GGA2: variants seen among roughly 807,000 people sequenced by gnomAD.
GGA2 encodes golgi associated, gamma adaptin ear containing, ARF binding protein 2.
A neutral mutation model predicts 79.5 loss-of-function variants in GGA2; 48 were observed. The observed-to-expected ratio is 0.60, with a 90% confidence interval of 0.48 to 0.77. The LOEUF (loss-of-function observed/expected upper bound fraction) is 0.77. Among genes scored for constraint, GGA2 ranks in the 30% least tolerant of loss-of-function variants. The pLI is 0.00. For missense variants in GGA2, 770 were observed against 774.0 expected, an observed-to-expected ratio of 0.99 and a Z score of 0.06; for synonymous variants, 317 against 302.0, an observed-to-expected ratio of 1.05 and a Z score of -0.51.
At chr16:23,478,215 GA>G (rs370777047) in intron 13 of GGA2, among the ~76,000 whole-genome samples, 152 bp downstream of exon 13, 7,569 of 108,552 alleles carry the variant, frequency 0.07, 419 homozygotes, top group African/African-American at 0.17. Flanking sequence ...AAAAAAAAAA[GA>G]AAAAAAGACA....
chr16:23,495,754 G>C lies in GGA2; in HGVS notation c.116C>G (p.Ser39Trp), dbSNP rs200764317. 17 of 1,611,624 alleles carry C rather than the reference G, an allele frequency of 1.1e-5. No homozygotes were observed. The highest frequency in any genetic ancestry group is 1.7e-5 in the Admixed American group (1 of 59,974). The change falls in exon 2 of 17, where the codon TCG becomes TGG. Residue 39 changes from serine (S) to tryptophan (W), a missense_variant. By Grantham distance (177) the Ser-to-Trp change is radical (BLOSUM62 -3). Coordinates refer to ENST00000309859, the MANE Select transcript of GGA2 (RefSeq NM_015044.4). ...CTGGATAGCTGACCAATCCTGTTCC[G>C]ACATGCTTGGGTCTGTGGCTTTGTC... ...WLNKATDPSM[S>W]EQDWSAIQNF...
At chr16:23,502,232 C>T (rs1964928843) in intron 1 of GGA2, among the ~76,000 whole-genome samples, 1 of 152,166 alleles carries the variant, frequency 6.6e-6, no homozygotes, top group Non-Finnish European at 1.5e-5. Flanking sequence ...GTGGCCCAGG[C>T]CTGCTCATCT....
chr16:23,467,839 G>C (rs1396775184), intron 16 of GGA2, 139 bp from the exon 17 acceptor site: 1 of 647,644 alleles, frequency 1.5e-6, no homozygotes, highest in African/African-American at 1.8e-5. Flanking sequence ...CAAACAAGGG[G>C]AAACAGGCAC....
Position 23,474,917 on chromosome 16 carries a change from C to T in GGA2, c.1437G>A (p.Glu479=), listed in dbSNP as rs145747722. ...AATTGTACTTACTGGGCTTAACAGA[C>T]TCCAAAGGGACAAACACTTGAGCCA... ...TPLAQVFVPL[E]SVKPSSLPPL... is the part of the protein sequence containing the mutation. Residue 479 remains glutamate (E), a synonymous_variant, in exon 14 of 17, where the codon GAG becomes GAA. Transcript: ENST00000309859. The T allele has an allele frequency of 5.7e-4, 924 of 1,611,616 alleles. No homozygotes were observed. Among genetic ancestry groups the T allele is most frequent in the Non-Finnish European group, 7.2e-4 (843 of 1,177,962 alleles).
At chr16:23,483,601 C>G (rs139622093) in intron 8 of GGA2, among the ~76,000 whole-genome samples, 34 of 152,248 alleles carry the variant, frequency 2.2e-4, no homozygotes, top group South Asian at 1.0e-3. Context: ...GCATGGCTGC[C>G]TCGAACCTGG....
chr16:23,478,255 G>T (rs2142119236), intron 13 of GGA2, 113 bp downstream of exon 13: 234 of 559,136 alleles, frequency 4.2e-4, no homozygotes, highest in Middle Eastern at 6.0e-4. Flanking sequence ...AAAGAAAGAT[G>T]TTTCTCCAGG....
intron 9 of GGA2, among the ~76,000 whole-genome samples, chr16:23,481,407 G>A (rs1308969136): frequency 6.6e-6 from 1 of 152,150 alleles, no homozygotes; most frequent in African/African-American, 2.4e-5. Context: ...CAGAACATGA[G>A]CAGCATCATG....
chr16:23,519,032 G>A (rs1207939317), intron 2 of GGA2, among the ~76,000 whole-genome samples: 2 of 144,250 alleles, frequency 1.4e-5, no homozygotes, highest in Admixed American at 7.5e-5. Flanking sequence ...TTTCTAGAAC[G>A]GATACTGTCT....
In GGA2 at chr16:23,470,023, A is replaced by C; in HGVS notation, c.1593T>G (p.Asp531Glu). ...MMSTAPQPVW[D>E]IMFQVAVPKS... ...TTGGCACAGCCACTTGAAACATGAT[A>C]TCCCAGACAGGCTGGGGAGCCGTGC... Residue 531 changes from aspartate (D) to glutamate (E), a missense_variant, in exon 15 of 17, where the codon GAT becomes GAG. Physicochemically the swap from Asp to Glu is conservative, Grantham distance 45. Transcript: ENST00000309859. 1 of 1,579,248 alleles carries C rather than the reference A, an allele frequency of 6.3e-7. No individual in the cohort carries two copies. The highest frequency in any genetic ancestry group is 8.6e-7 in the Non-Finnish European group (1 of 1,163,172).
chr16:23,487,120 T>C (rs1567364012), intron 6 of GGA2, among the ~76,000 whole-genome samples: 1 of 151,806 alleles, frequency 6.6e-6, no homozygotes, highest in African/African-American at 2.4e-5. Context: ...TAGCTGGGAC[T>C]ATAGGCGCGT....
In GGA2 at chr16:23,486,708, A is replaced by AC. The variant is rs1289621487; in HGVS notation, c.660+1dup. The AC allele has an allele frequency of 1.8e-5, 28 of 1,577,136 alleles. No individual in the cohort carries two copies. Among genetic ancestry groups the AC allele is most frequent in the Non-Finnish European group, 2.4e-5 (27 of 1,146,342 alleles). On this transcript the variant is annotated splice_donor_variant, in intron 7 of 16. Coordinates refer to ENST00000309859, the MANE Select transcript of GGA2 (RefSeq NM_015044.4). LOFTEE classifies it high-confidence loss of function. The stretch of plus-strand genomic sequence containing the variant: ...TACTGAACCAACTGGAAGAATGCCC[A>AC]CCTCCTTGACCAAATTCTTGATTAA...
upstream of GGA2, chr16:23,524,293 C>G (rs1319518133): frequency 1.6e-6 from 2 of 1,274,946 alleles, no homozygotes; most frequent in Non-Finnish European, 2.3e-6. Flanking sequence ...GGGCCCCAGG[C>G]CTCCTTCTGG....
In GGA2 at chr16:23,479,863, A is replaced by C. The variant is rs1964625852; in HGVS notation, c.1031T>G (p.Met344Arg). 6.2e-7 allele frequency: 1 copy of C among 1,613,970 alleles called. No individual in the cohort carries two copies. The highest frequency in any genetic ancestry group is 8.5e-7 in the Non-Finnish European group (1 of 1,179,922). Residue 344 changes from methionine (M) to arginine (R), a missense_variant, in exon 11 of 17, where the codon ATG (methionine) becomes AGG (arginine). Met to Arg is a moderately conservative substitution (Grantham distance 91). Coordinates refer to ENST00000309859, the MANE Select transcript of GGA2 (RefSeq NM_015044.4). ...SRVFQNPAGC[M>R]KTCPLIDLEV... Reference sequence around the variant, plus strand: ...CAAGTCAATCAGGGGGCAGGTCTTCATGCAGCCTGCTGGATTCTGAAAGAC... The same window carrying C: ...CAAGTCAATCAGGGGGCAGGTCTTCCTGCAGCCTGCTGGATTCTGAAAGAC...
intron 9 of GGA2, 81 bp from the exon 10 acceptor site, chr16:23,480,851 G>C: frequency 2.3e-6 from 3 of 1,331,986 alleles, no homozygotes; most frequent in Non-Finnish European, 2.1e-6. Context: ...CCATAAAACA[G>C]CCTTCATATG....
upstream of GGA2, among the ~76,000 whole-genome samples, chr16:23,510,647 A>G (rs1341466594): frequency 6.6e-6 from 1 of 152,202 alleles, no homozygotes; most frequent in Non-Finnish European, 1.5e-5. Flanking sequence ...TACGGTTGCC[A>G]GATAAAATAC....
upstream of GGA2, among the ~76,000 whole-genome samples, chr16:23,511,016 CGTGTGT>C (rs145140640): frequency 6.6e-4 from 19 of 28,858 alleles, 1 homozygote; most frequent in African/African-American, 1.8e-3. Context: ...TGGGTTTCAC[CGTGTGT>C]GTGTGTGTGT....
At chr16:23,506,876 C>T (rs542564907) in intron 1 of GGA2, among the ~76,000 whole-genome samples, 1 of 99,954 alleles carries the variant, frequency 1.0e-5, no homozygotes, top group South Asian at 3.3e-4. Flanking sequence ...GGTGTCCTTC[C>T]TCTCTGTGAG....
At chr16:23,479,723 G>A (rs778699196) in intron 11 of GGA2, 42 bp downstream of exon 11, 22 of 1,608,894 alleles carry the variant, frequency 1.4e-5, no homozygotes, top group Middle Eastern at 1.9e-4. Flanking sequence ...TCCCCTACTC[G>A]CACCCATCCT....
chr16:23,501,049 T>G (rs1964916269), intron 1 of GGA2: 1 of 361,302 alleles, frequency 2.8e-6, no homozygotes, highest in South Asian at 2.1e-5. Flanking sequence ...TATTACAACA[T>G]AAAGCACAGA....
Sources: allele counts gnomAD v4.1 joint callset (sites outside exome capture counted in the v4.1 genomes callset), GRCh38; gene constraint gnomAD v4.1.1; transcripts MANE v1.5; gene names NCBI Gene and HGNC (gene_info 2026-07-23, HGNC 2026-07-21).